C1QTNF3: variants seen among roughly 807,000 people sequenced by gnomAD.
The protein encoded by C1QTNF3 is C1q and TNF related 3, also known as complement C1q tumor necrosis factor-related protein 3.
Under a neutral mutation model 32.6 loss-of-function variants are expected in C1QTNF3, and 26 were observed. The ratio of observed to expected loss-of-function variants is 0.80; its 90% CI spans 0.58 to 1.11. The LOEUF is 1.11. C1QTNF3 is among the 50% of genes least tolerant of loss of function. The pLI is 0.00. For missense variants in C1QTNF3, 362 were observed against 398.2 expected, an observed-to-expected ratio of 0.91 and a Z score of 0.77; for synonymous variants, 155 against 146.0, an observed-to-expected ratio of 1.06 and a Z score of -0.44.
chr5:34,123,442 C>T, the C1QTNF3 span, among the ~76,000 whole-genome samples: 1 of 151,912 alleles, frequency 6.6e-6, no homozygotes, highest in Non-Finnish European at 1.5e-5. Context: ...ATTTTAGTTC[C>T]TTGCATGTCA....
At chr5:34,210,977 A>C in the C1QTNF3 span, among the ~76,000 whole-genome samples, 2 of 152,192 alleles carry the variant, frequency 1.3e-5, no homozygotes, top group East Asian at 3.9e-4. Flanking sequence ...GGATTAAAAT[A>C]ATCTTAACAG....
At chr5:34,144,511 T>C in the C1QTNF3 span, among the ~76,000 whole-genome samples, 1 of 152,214 alleles carries the variant, frequency 6.6e-6, no homozygotes, top group Non-Finnish European at 1.5e-5. Context: ...CATTTTCTAA[T>C]ATTAACCACA....
chr5:34,024,461 A>G (rs1209557276), intron 4 of C1QTNF3: 1 of 159,936 alleles, frequency 6.3e-6, no homozygotes, highest in Non-Finnish European at 1.4e-5. Context: ...AACTCACCAA[A>G]GGGATTAGCC....
At chr5:34,027,886 T>G (rs1428083137) in intron 4 of C1QTNF3, among the ~76,000 whole-genome samples, 2 of 152,230 alleles carry the variant, frequency 1.3e-5, no homozygotes, top group Admixed American at 6.5e-5. Flanking sequence ...TAGTTTTTTT[T>G]TTTAAAGCAA....
chr5:34,200,607 A>G, the C1QTNF3 span: 6 of 152,166 alleles, frequency 3.9e-5, no homozygotes, highest in Admixed American at 1.3e-4. Flanking sequence ...TACCATAATC[A>G]TTAAATTTCC....
chr5:34,211,446 T>C, the C1QTNF3 span, among the ~76,000 whole-genome samples: 1 of 151,854 alleles, frequency 6.6e-6, no homozygotes, highest in East Asian at 1.9e-4. Context: ...AGTGTGCAGG[T>C]TAGTTACATA....
At chr5:34,145,530 T>A in the C1QTNF3 span, among the ~76,000 whole-genome samples, 2 of 151,786 alleles carry the variant, frequency 1.3e-5, no homozygotes, top group Non-Finnish European at 2.9e-5. Context: ...CTGGACCAGA[T>A]GGATTTACAG....
chr5:34,174,625 C>A, the C1QTNF3 span, among the ~76,000 whole-genome samples: 1 of 152,170 alleles, frequency 6.6e-6, no homozygotes, highest in Non-Finnish European at 1.5e-5. Flanking sequence ...TCCAACCAAC[C>A]AAACTGCCAT....
chr5:34,222,464 TAAATGA>T, the C1QTNF3 span, among the ~76,000 whole-genome samples: 3 of 151,568 alleles, frequency 2.0e-5, 1 homozygote, highest in South Asian at 6.2e-4. Flanking sequence ...GCAAAAATAT[TAAATGA>T]AAAGTATATT....
At chr5:34,144,300 T>C in the C1QTNF3 span, among the ~76,000 whole-genome samples, 3 of 152,240 alleles carry the variant, frequency 2.0e-5, no homozygotes, top group African/African-American at 7.2e-5. Context: ...AAAAGACTTA[T>C]TTAGCCACAC....
chr5:34,110,203 C>G, the C1QTNF3 span, among the ~76,000 whole-genome samples: 1 of 151,998 alleles, frequency 6.6e-6, no homozygotes, highest in African/African-American at 2.4e-5. Flanking sequence ...AAAGATAGAG[C>G]AAAGGGCAAG....
At chr5:34,024,988 G>A (rs144940687) in intron 4 of C1QTNF3, among the ~76,000 whole-genome samples, 10 of 152,284 alleles carry the variant, frequency 6.6e-5, no homozygotes, top group Non-Finnish European at 1.3e-4. Context: ...CTTTCTCAAA[G>A]GGCAATCAAG....
At chr5:34,217,948 A>G in the C1QTNF3 span, among the ~76,000 whole-genome samples, 11 of 152,036 alleles carry the variant, frequency 7.2e-5, no homozygotes, top group Non-Finnish European at 1.0e-4. Flanking sequence ...AATACACACT[A>G]TGGCTAACAA....
At chr5:34,045,964 T>C (rs1754978536), upstream of C1QTNF3, among the ~76,000 whole-genome samples, 3 of 152,060 alleles carry the variant, frequency 2.0e-5, no homozygotes, top group African/African-American at 7.2e-5. Flanking sequence ...TAAATGAAAA[T>C]AGACACCAGG....
At chr5:34,217,895 G>C in the C1QTNF3 span, among the ~76,000 whole-genome samples, 1 of 152,068 alleles carries the variant, frequency 6.6e-6, no homozygotes, top group South Asian at 2.1e-4. Context: ...GGCAAAAAGT[G>C]ATAAACTCCT....
At chr5:34,196,619 A>G in the C1QTNF3 span, among the ~76,000 whole-genome samples, 1 of 152,334 alleles carries the variant, frequency 6.6e-6, no homozygotes, top group African/African-American at 2.4e-5. Context: ...TCCATCAAGT[A>G]TTTGAAATAT....
At chr5:34,154,293 C>T in the C1QTNF3 span, among the ~76,000 whole-genome samples, 2 of 152,176 alleles carry the variant, frequency 1.3e-5, no homozygotes, top group South Asian at 4.1e-4. Flanking sequence ...TGTACAAAAT[C>T]AAATGTGTAT....
At chr5:34,197,412 CAAAAT>C in the C1QTNF3 span, among the ~76,000 whole-genome samples, 1 of 152,096 alleles carries the variant, frequency 6.6e-6, no homozygotes, top group Non-Finnish European at 1.5e-5. Context: ...AAAGAAATCC[CAAAAT>C]AAATATAAAT....
At chr5:34,082,987 C>T in the C1QTNF3 span, among the ~76,000 whole-genome samples, 1 of 151,428 alleles carries the variant, frequency 6.6e-6, no homozygotes, top group Admixed American at 6.6e-5. Context: ...TTATAGCAAA[C>T]TAGCAGATAT....
Sources: allele counts gnomAD v4.1 joint callset (sites outside exome capture counted in the v4.1 genomes callset), GRCh38; gene constraint gnomAD v4.1.1; transcripts MANE v1.5; gene names NCBI Gene and HGNC (gene_info 2026-07-23, HGNC 2026-07-21).